Variants in KCNIP2 observed in about 807,000 individuals in gnomAD.
KCNIP2 encodes A-type potassium channel modulatory protein KCNIP2.
In KCNIP2, 19 loss-of-function variants were observed where a neutral mutation model predicts 39.0. That is an observed-to-expected ratio of 0.49 (90% CI 0.34 to 0.71). The LOEUF is 0.71. Among genes scored for constraint, KCNIP2 ranks in the 30% least tolerant of loss-of-function variants. The pLI is 0.01. For synonymous variants in KCNIP2, 111 were observed against 131.2 expected, an observed-to-expected ratio of 0.85 and a Z score of 1.05; for missense variants, 261 against 346.0, an observed-to-expected ratio of 0.75 and a Z score of 1.95.
At chr10:101,839,935 G>A in intron 1 of KCNIP2, 3 of 1,234,416 alleles carry the variant, frequency 2.4e-6, no homozygotes, top group South Asian at 3.0e-5. Context: ...TGGGCGGCGC[G>A]GGAGGGCCGG....
intron 1 of KCNIP2, chr10:101,839,653 C>G: frequency 9.3e-7 from 1 of 1,072,560 alleles, no homozygotes; most frequent in Non-Finnish European, 1.4e-6. Context: ...CTCCCTCCAT[C>G]TATTTGAGGG....
chr10:101,828,536 C>A lies in KCNIP2; in HGVS notation c.419-77G>T. 1.9e-6 allele frequency: 3 copies of A among 1,597,484 alleles called. No homozygotes were observed. The South Asian group carries it at 3.3e-5, about 18-fold the overall frequency. Reference sequence around the variant, plus strand: ...CCTCTAAGGAGCTCCCCATACCCCCCATCACCTTGGCATTCCCAGCTCCTC... The same window carrying A: ...CCTCTAAGGAGCTCCCCATACCCCCAATCACCTTGGCATTCCCAGCTCCTC... On this transcript the variant is annotated intron_variant, in intron 5 of 9. Coordinates refer to ENST00000356640, the MANE Select transcript of KCNIP2 (RefSeq NM_173191.3). This position sits in a 1 kb window ranked among gnomAD's most constrained non-coding sequence, Gnocchi z 6.6.
At chr10:101,840,101 C>T (rs979713544) in intron 1 of KCNIP2, among the ~76,000 whole-genome samples, 2 of 150,146 alleles carry the variant, frequency 1.3e-5, no homozygotes, top group Admixed American at 6.6e-5. Flanking sequence ...ACTCAGCCTT[C>T]TCAGGGAGCA....
chr10:101,842,627 AT>A (rs2066366751), intron 1 of KCNIP2, among the ~76,000 whole-genome samples: 1 of 152,244 alleles, frequency 6.6e-6, no homozygotes, highest in African/African-American at 2.4e-5. Flanking sequence ...TGCTGGAGCC[AT>A]AAGGTCTCTT....
intron 2 of KCNIP2, 100 bp from the exon 3 acceptor site, chr10:101,829,997 G>A (rs1032733131): frequency 1.4e-6 from 2 of 1,380,712 alleles, no homozygotes; most frequent in Non-Finnish European, 2.0e-6. Context: ...AACCCAGCCC[G>A]TGCAAAGGCA....
chr10:101,843,639 C>G lies in KCNIP2; in HGVS notation c.-71G>C. 2.3e-6 allele frequency: 2 copies of G among 871,886 alleles called. 1 individual carries two copies. The highest frequency in any genetic ancestry group is 4.3e-5 in the South Asian group (2 of 46,978). 54.0% of individuals were successfully genotyped at this position (871,886 alleles called of 1,614,324 possible). A position where few individuals can be genotyped will look rare whatever the true frequency, so the allele number is the denominator to read the frequency against. On this transcript the variant is annotated 5_prime_UTR_variant, in exon 1 of 10. Coordinates refer to ENST00000356640, the MANE Select transcript of KCNIP2 (RefSeq NM_173191.3). The surrounding 1 kb of genome is among the most constrained non-coding windows in gnomAD (Gnocchi z 6.7). ...GGGTGGCCGGGATAGGGCGCTCACACGGCGCCCCCTGGCGGCCTACTGTGC... is the reference window on the plus strand; with the variant it reads ...GGGTGGCCGGGATAGGGCGCTCACAGGGCGCCCCCTGGCGGCCTACTGTGC...
intron 1 of KCNIP2, among the ~76,000 whole-genome samples, chr10:101,840,899 C>A (rs891855754): frequency 2.4e-4 from 36 of 152,208 alleles, no homozygotes; most frequent in African/African-American, 8.0e-4. Flanking sequence ...CACTGAGATC[C>A]CAGTCGGGGG....
At chr10:101,840,093 T>A (rs554154770) in intron 1 of KCNIP2, among the ~76,000 whole-genome samples, 1 of 147,940 alleles carries the variant, frequency 6.8e-6, no homozygotes, top group Admixed American at 6.7e-5. Flanking sequence ...CGGCGCGGAC[T>A]CAGCCTTCTC....
At chr10:101,832,285 C>T in intron 1 of KCNIP2, among the ~76,000 whole-genome samples, 1 of 145,166 alleles carries the variant, frequency 6.9e-6, no homozygotes, top group Non-Finnish European at 1.5e-5. Flanking sequence ...CCCAGAGGAC[C>T]CTCAGTGTTA....
rs554026739 is a variant in KCNIP2 at position 101,831,042 on chromosome 10, C to T, written c.169+30G>A. On this transcript the variant is annotated intron_variant, in intron 2 of 9. Coordinates refer to ENST00000356640, the MANE Select transcript of KCNIP2 (RefSeq NM_173191.3). ...AGACACGCACGCACACATCGAGCCC[C>T]GCCCCCGGAAGCACATGAGAGGCAC... is the stretch of plus-strand genomic sequence containing the variant. The T allele has an allele frequency of 1.6e-5, 25 of 1,590,554 alleles. No homozygotes were observed. In the South Asian group the frequency reaches 2.8e-4, roughly 18 times the overall value.
intron 3 of KCNIP2, 54 bp downstream of exon 3, chr10:101,829,790 C>T: frequency 2.9e-6 from 3 of 1,020,926 alleles, no homozygotes; most frequent in East Asian, 3.5e-5. Flanking sequence ...CCCCCCACCC[C>T]AAGATGGCAA....
Position 101,828,154 on chromosome 10 carries a change from C to T in KCNIP2, c.594G>A (p.Lys198=), listed in dbSNP as rs769270561. 3 of 1,613,918 alleles carry T rather than the reference C, an allele frequency of 1.9e-6. No homozygotes were observed. The highest frequency in any genetic ancestry group is 1.3e-5 in the African/African-American group (1 of 75,030). ...CAGCCCTTCAGTTGCCCTGCACCTCCTTGGTGATGCAGCCGTCCTTGTTAA... is the reference window on the plus strand; with the variant it reads ...CAGCCCTTCAGTTGCCCTGCACCTCTTTGGTGATGCAGCCGTCCTTGTTAA... ...YDLNKDGCIT[K]EEMLDIMKSI... Residue 198 remains lysine, a synonymous_variant, in exon 7 of 10, where the codon AAG becomes AAA. Coordinates refer to ENST00000356640, the MANE Select transcript of KCNIP2 (RefSeq NM_173191.3). The surrounding 1 kb of genome is among the most constrained non-coding windows in gnomAD (Gnocchi z 6.6).
chr10:101,840,859 C>T (rs1008630345), intron 1 of KCNIP2, among the ~76,000 whole-genome samples: 6 of 152,208 alleles, frequency 3.9e-5, no homozygotes, highest in African/African-American at 9.6e-5. Context: ...GCCCCCGCCC[C>T]GGCAACAATA....
chr10:101,828,416 G>A lies in KCNIP2; in HGVS notation c.462C>T (p.Thr154=). The A allele has an allele frequency of 6.2e-7, 1 of 1,614,118 alleles. No individual in the cohort carries two copies. The highest frequency in any genetic ancestry group is 8.5e-7 in the Non-Finnish European group (1 of 1,180,028). ...CAAAACTGACCGAGCCATCATGGTTGGTGTCAAAGGCATTGAAGAGAAAAG... is the reference window on the plus strand; with the variant it reads ...CAAAACTGACCGAGCCATCATGGTTAGTGTCAAAGGCATTGAAGAGAAAAG... ...YATFLFNAFD[T]NHDGSVSFED... The change falls in exon 6 of 10, where the codon ACC becomes ACT. Residue 154 remains threonine (T), a synonymous_variant. Coordinates refer to ENST00000356640, the MANE Select transcript of KCNIP2 (RefSeq NM_173191.3). The surrounding 1 kb of genome is among the most constrained non-coding windows in gnomAD (Gnocchi z 6.6).
intron 2 of KCNIP2, 63 bp downstream of exon 2, chr10:101,831,009 T>A: frequency 3.6e-6 from 5 of 1,390,742 alleles, no homozygotes; most frequent in Non-Finnish European, 5.0e-6. Flanking sequence ...GCGCACACAC[T>A]CATGCACAGA....
At chr10:101,835,864 T>A (rs1212020030) in intron 1 of KCNIP2, among the ~76,000 whole-genome samples, 1 of 152,206 alleles carries the variant, frequency 6.6e-6, no homozygotes, top group Non-Finnish European at 1.5e-5. Context: ...CATACTATTA[T>A]CCTCATATTA....
rs1167369404 is a variant in KCNIP2, at chr10:101,828,818, C to T, written c.349-122G>A. ...AATCTTCAAGCCTCCAGAGGACTCACCACGTGGCTCATGTGATGGGAGGGA... is the reference window on the plus strand; with the variant it reads ...AATCTTCAAGCCTCCAGAGGACTCATCACGTGGCTCATGTGATGGGAGGGA... On this transcript the variant is annotated intron_variant, in intron 4 of 9. Coordinates refer to ENST00000356640, the MANE Select transcript of KCNIP2 (RefSeq NM_173191.3). The surrounding 1 kb of genome is among the most constrained non-coding windows in gnomAD (Gnocchi z 6.6). The T allele has an allele frequency of 6.3e-7, 1 of 1,587,768 alleles. No homozygotes were observed. Among genetic ancestry groups the T allele is most frequent in the African/African-American group, 1.3e-5 (1 of 74,240 alleles).
intron 1 of KCNIP2, among the ~76,000 whole-genome samples, chr10:101,836,757 T>C (rs2066174626): frequency 6.6e-6 from 1 of 151,864 alleles, no homozygotes; most frequent in Non-Finnish European, 1.5e-5. Context: ...GGTCAGGAGT[T>C]TGAGACCAGC....
chr10:101,839,896 G>C (rs1453244358), intron 1 of KCNIP2: 3 of 1,510,736 alleles, frequency 2.0e-6, no homozygotes, highest in Non-Finnish European at 2.7e-6. Flanking sequence ...GGGCGGTCCG[G>C]TCTCCGCCCT....
Sources: allele counts gnomAD v4.1 joint callset (sites outside exome capture counted in the v4.1 genomes callset), GRCh38; gene constraint gnomAD v4.1.1; non-coding constraint Gnocchi (gnomAD v3.1); transcripts MANE v1.5; gene names NCBI Gene and HGNC (gene_info 2026-07-23, HGNC 2026-07-21).